CLCN3: variants seen among roughly 807,000 people sequenced by gnomAD.
CLCN3 encodes Cl-/H+ antiporter 3.
A neutral mutation model predicts 83.4 loss-of-function variants in CLCN3; 16 were observed. The observed-to-expected ratio is 0.19, with a 90% CI of 0.13 to 0.29. The LOEUF (loss-of-function observed/expected upper bound fraction) is 0.29. Among genes scored for constraint, CLCN3 ranks in the 10% least tolerant of loss-of-function variants. CLCN3 has a pLI of 1.00. For synonymous variants in CLCN3, 322 were observed against 346.2 expected, an observed-to-expected ratio of 0.93 and a Z score of 0.78; for missense variants, 544 against 1,006.0, an observed-to-expected ratio of 0.54 and a Z score of 6.21.
chr4:169,672,845 A>G (rs1560848935), intron 2 of CLCN3, among the ~76,000 whole-genome samples: 1 of 151,742 alleles, frequency 6.6e-6, no homozygotes, highest in Non-Finnish European at 1.5e-5. Context: ...TTTTATTTTT[A>G]GTAGAGACAG....
chr4:169,661,637 A>T (rs1167172780), intron 2 of CLCN3, among the ~76,000 whole-genome samples: 1 of 152,230 alleles, frequency 6.6e-6, no homozygotes, highest in East Asian at 1.9e-4. Context: ...CTGTGTAAGG[A>T]TCATGTTACA....
intron 8 of CLCN3, among the ~76,000 whole-genome samples, chr4:169,696,947 G>T (rs1357889463): frequency 1.3e-5 from 2 of 151,414 alleles, no homozygotes; most frequent in East Asian, 1.9e-4. Context: ...AACAGCACTA[G>T]GTATTCTATT....
intron 12 of CLCN3, among the ~76,000 whole-genome samples, chr4:169,714,121 TC>T (rs1443659097): frequency 1.3e-5 from 2 of 152,222 alleles, no homozygotes; most frequent in Non-Finnish European, 2.9e-5. Flanking sequence ...ACCCTTCATT[TC>T]CACTATATAT....
intron 12 of CLCN3, among the ~76,000 whole-genome samples, chr4:169,718,963 C>T (rs1010081895): frequency 6.6e-6 from 1 of 152,004 alleles, no homozygotes; most frequent in African/African-American, 2.4e-5. Flanking sequence ...CTTTCCTGGC[C>T]TAAATCAAAA....
At chr4:169,685,069 T>G (rs1471857284) in intron 3 of CLCN3, among the ~76,000 whole-genome samples, 1 of 151,596 alleles carries the variant, frequency 6.6e-6, no homozygotes, top group Non-Finnish European at 1.5e-5. Flanking sequence ...CTCCTGCCTT[T>G]GCCTTCCAAA....
At chr4:169,691,144 A>G (rs35579439) in intron 6 of CLCN3, among the ~76,000 whole-genome samples, 1 of 151,194 alleles carries the variant, frequency 6.6e-6, no homozygotes, top group Non-Finnish European at 1.5e-5. Flanking sequence ...GATTGCAGGC[A>G]CCTGTCACCA....
chr4:169,621,613 T>C (rs1010372129), intron 1 of CLCN3, among the ~76,000 whole-genome samples: 1 of 152,198 alleles, frequency 6.6e-6, no homozygotes, highest in Admixed American at 6.5e-5. Flanking sequence ...AGAAAGAAAT[T>C]CCTGTTCATG....
chr4:169,624,596 A>G (rs1348813276), intron 1 of CLCN3, among the ~76,000 whole-genome samples: 2 of 152,138 alleles, frequency 1.3e-5, no homozygotes, highest in African/African-American at 2.4e-5. Flanking sequence ...TTAGAAAGCT[A>G]TTACAGCATC....
At chr4:169,664,998 C>T (rs1161055696) in intron 2 of CLCN3, among the ~76,000 whole-genome samples, 2 of 151,886 alleles carry the variant, frequency 1.3e-5, no homozygotes, top group Non-Finnish European at 2.9e-5. Context: ...TCTTTGTAGC[C>T]CTTTGCAACT....
chr4:169,695,390 T>C (rs1358861595), intron 7 of CLCN3, among the ~76,000 whole-genome samples: 1 of 152,206 alleles, frequency 6.6e-6, no homozygotes, highest in Non-Finnish European at 1.5e-5. Flanking sequence ...AAAATTTTTT[T>C]TAACTGAATG....
chr4:169,660,531 G>C (rs977389933), intron 2 of CLCN3: 10 of 990,594 alleles, frequency 1.0e-5, no homozygotes, highest in Non-Finnish European at 1.3e-5. Context: ...ACTGGTTCTC[G>C]TTTGTCCTTT....
chr4:169,628,787 G>A (rs1381895414), intron 1 of CLCN3, among the ~76,000 whole-genome samples: 2 of 152,190 alleles, frequency 1.3e-5, no homozygotes, highest in Non-Finnish European at 2.9e-5. Flanking sequence ...CCCAACTATT[G>A]TACTCTGACA....
chr4:169,716,227 A>G (rs1293234059), intron 12 of CLCN3, among the ~76,000 whole-genome samples: 2 of 152,192 alleles, frequency 1.3e-5, no homozygotes, highest in Admixed American at 1.3e-4. Context: ...GCTCTTCTCC[A>G]TTAATGTGTG....
intron 2 of CLCN3, among the ~76,000 whole-genome samples, chr4:169,669,128 T>A (rs1208791582): frequency 6.6e-6 from 1 of 152,182 alleles, no homozygotes; most frequent in Non-Finnish European, 1.5e-5. Context: ...AATGTGACGA[T>A]AATAAATGGA....
intron 1 of CLCN3, among the ~76,000 whole-genome samples, chr4:169,622,405 C>T (rs1773131887): frequency 6.6e-6 from 1 of 151,882 alleles, no homozygotes; most frequent in Non-Finnish European, 1.5e-5. Flanking sequence ...AATTTTCAGA[C>T]GGCTCAGGAA....
At chr4:169,669,041 G>T (rs1352860181) in intron 2 of CLCN3, among the ~76,000 whole-genome samples, 2 of 152,050 alleles carry the variant, frequency 1.3e-5, no homozygotes, top group Non-Finnish European at 2.9e-5. Flanking sequence ...AAATAATTGG[G>T]TTCTGTTATA....
chr4:169,658,649 A>G (rs1446191598), intron 2 of CLCN3, among the ~76,000 whole-genome samples: 1 of 152,144 alleles, frequency 6.6e-6, no homozygotes, highest in Non-Finnish European at 1.5e-5. Context: ...TTGTTTAAAA[A>G]AACTATTGGC....
intron 2 of CLCN3, among the ~76,000 whole-genome samples, chr4:169,653,134 T>A (rs1730774096): frequency 6.6e-6 from 1 of 152,164 alleles, no homozygotes; most frequent in Non-Finnish European, 1.5e-5. Context: ...GTCTTAATTT[T>A]AAAAAACGTC....
intron 10 of CLCN3, among the ~76,000 whole-genome samples, chr4:169,706,444 C>T (rs902013016): frequency 1.3e-5 from 2 of 152,246 alleles, no homozygotes; most frequent in African/African-American, 4.8e-5. Flanking sequence ...TATTAATATT[C>T]TACCCATATA....
Sources: gnomAD v4.1 joint callset for allele counts (sites outside exome capture counted in the v4.1 genomes callset) on GRCh38, gnomAD v4.1.1 for gene constraint, MANE v1.5 for transcripts, NCBI Gene and HGNC (gene_info 2026-07-23, HGNC 2026-07-21) for gene names.